Variants in ZZEF1 observed in about 807,000 individuals in gnomAD.
The protein encoded by ZZEF1 is zinc finger ZZ-type and EF-hand domain-containing protein 1.
A neutral mutation model predicts 342.8 loss-of-function variants in ZZEF1; 157 were observed. The observed-to-expected ratio is 0.46, with a 90% confidence interval of 0.40 to 0.52. ZZEF1 has a LOEUF of 0.52. Among genes scored for constraint, ZZEF1 ranks in the 20% least tolerant of loss-of-function variants. The pLI is 0.00. For missense variants in ZZEF1, 3,480 were observed against 3,725.6 expected, an observed-to-expected ratio of 0.93 and a Z score of 1.72; for synonymous variants, 1,505 against 1,429.1, an observed-to-expected ratio of 1.05 and a Z score of -1.20.
intron 16 of ZZEF1, among the ~76,000 whole-genome samples, chr17:4,084,462 C>G (rs1249923229): frequency 6.6e-6 from 1 of 152,076 alleles, no homozygotes; most frequent in Non-Finnish European, 1.5e-5. Context: ...GTAAGAGTGG[C>G]CTATAATTTT....
intron 40 of ZZEF1, chr17:4,033,779 G>A (rs1046031013): frequency 3.5e-6 from 2 of 571,424 alleles, no homozygotes; most frequent in Non-Finnish European, 6.2e-6. Flanking sequence ...CCTCATTAGA[G>A]AGTTGAATCA....
Position 4,016,406 on chromosome 17 carries a change from C to T in ZZEF1, c.8062G>A (p.Ala2688Thr), listed in dbSNP as rs2056102141. Reference protein sequence around the residue: ...EDMLGTMALAACQFMEEPGME... With the variant: ...EDMLGTMALATCQFMEEPGME... ...CCTGGCTCCTCCATGAACTGGCATG[C>T]AGCCAGGGCCATGGTCCCCAGCATG... is the stretch of plus-strand genomic sequence containing the variant. Residue 2688 changes from alanine to threonine, a missense_variant, in exon 49 of 55, where the codon GCA becomes ACA. Ala to Thr is a moderately conservative substitution (Grantham distance 58). Transcript: ENST00000381638. This position sits in a 1 kb window ranked among gnomAD's most constrained non-coding sequence, Gnocchi z 4.4. 4 of 1,613,972 alleles carry T rather than the reference C, an allele frequency of 2.5e-6. No individual in the cohort carries two copies. Among genetic ancestry groups the T allele is most frequent in the South Asian group, 1.1e-5 (1 of 91,082 alleles).
intron 16 of ZZEF1, 84 bp downstream of exon 16, chr17:4,085,586 C>T (rs193082557): frequency 6.5e-6 from 10 of 1,543,602 alleles, no homozygotes; most frequent in Admixed American, 3.6e-5. Context: ...TTGCAACAGA[C>T]GATATATTCA....
chr17:4,017,405 A>T lies in ZZEF1; in HGVS notation c.7967T>A (p.Phe2656Tyr), dbSNP rs911857239. Residue 2656 changes from phenylalanine (F) to tyrosine (Y), a missense_variant, in exon 48 of 55, where the codon TTC (phenylalanine) becomes TAC (tyrosine). Phe to Tyr is a conservative substitution (Grantham distance 22). Transcript: ENST00000381638. The surrounding 1 kb of genome is among the most constrained non-coding windows in gnomAD (Gnocchi z 5.1). ...PAHMTYILDM[F>Y]MQLEEKHEWE... ...CTCATGCTTTTCTTCCAGCTGCATG[A>T]ACATATCCAAAATGTAGGTCATATG... is the stretch of plus-strand genomic sequence containing the variant. 2 of 1,606,826 alleles carry T rather than the reference A, an allele frequency of 1.2e-6. No homozygotes were observed. The highest frequency in any genetic ancestry group is 1.7e-6 in the Non-Finnish European group (2 of 1,174,158).
intron 31 of ZZEF1, among the ~76,000 whole-genome samples, chr17:4,058,890 TC>T (rs1232971346): frequency 6.6e-6 from 1 of 151,790 alleles, no homozygotes; most frequent in Non-Finnish European, 1.5e-5. Flanking sequence ...AACCAAAAAA[TC>T]CCTAATATAC....
Position 4,045,830 on chromosome 17 carries a change from G to GT in ZZEF1, c.6016-1457dup, listed in dbSNP as rs35957444. On this transcript the variant is annotated intron_variant, in intron 37 of 54. Coordinates refer to ENST00000381638, the MANE Select transcript of ZZEF1 (RefSeq NM_015113.4). ...TCCTAGATGCTGTTTTTTTGTTCTT[G>GT]TTTTTTTTTTTTTTTGAGATGGAGT... is the stretch of plus-strand genomic sequence containing the variant. 2.3e-3 allele frequency among the ~76,000 whole-genome samples: 314 copies of GT among 137,236 alleles called. 1 individual carries two copies. Among genetic ancestry groups the GT allele is most frequent in the East Asian group, 5.4e-3 (26 of 4,828 alleles). The allele number at this position is 137,236 out of a possible 152,430, so 90.0% of individuals were successfully genotyped here.
At chr17:4,066,587 G>T (rs544583430) in intron 27 of ZZEF1, 47 bp from the exon 28 acceptor site, 651 of 1,562,874 alleles carry the variant, frequency 4.2e-4, no homozygotes, top group Non-Finnish European at 5.6e-4. Context: ...AGGCAGGGAA[G>T]CAAGGACAGC....
intron 9 of ZZEF1, among the ~76,000 whole-genome samples, chr17:4,100,043 C>T (rs149968095): frequency 1.1e-3 from 175 of 152,306 alleles, no homozygotes; most frequent in South Asian, 3.5e-3. Flanking sequence ...CTGCCAGGAA[C>T]GTTAGCCCCC....
chr17:4,105,882 A>G, intron 6 of ZZEF1, 73 bp from the exon 7 acceptor site: 3 of 1,286,266 alleles, frequency 2.3e-6, no homozygotes, highest in African/African-American at 3.0e-5. Flanking sequence ...AACTGTTAGA[A>G]GCTTGTTTTG....
chr17:4,012,932 A>G (rs972790024), intron 52 of ZZEF1, among the ~76,000 whole-genome samples: 3 of 152,316 alleles, frequency 2.0e-5, no homozygotes, highest in Admixed American at 2.0e-4. Flanking sequence ...CCTCTAAAAT[A>G]TTACTAAGAC....
At chr17:4,129,850 A>C (rs752873573) in intron 1 of ZZEF1, among the ~76,000 whole-genome samples, 2 of 152,196 alleles carry the variant, frequency 1.3e-5, no homozygotes, top group Admixed American at 6.5e-5. Flanking sequence ...GAACAAGATC[A>C]TGTCTTTTGT....
chr17:4,092,085 A>AAT lies in ZZEF1; in HGVS notation c.1914-1256_1914-1255insAT, dbSNP rs565857255. 3.8e-3 allele frequency among the ~76,000 whole-genome samples: 126 copies of AAT among 33,384 alleles called. 1 individual carries two copies. The highest frequency in any genetic ancestry group is 7.4e-3 in the Non-Finnish European group (91 of 12,370). 21.9% of individuals were successfully genotyped at this position (33,384 alleles called of 152,430 possible). ...GAGCGAAACTCCACCTCAAAAAAAA[A>AAT]AAAAATAATAAAAATAATATAAATA... On this transcript the variant is annotated intron_variant, in intron 11 of 54. Transcript: ENST00000381638.
At chr17:4,061,319 C>G (rs1255516796) in intron 30 of ZZEF1, among the ~76,000 whole-genome samples, 2 of 152,306 alleles carry the variant, frequency 1.3e-5, no homozygotes, top group East Asian at 3.9e-4. Flanking sequence ...ATCTACCTGA[C>G]TGGCCACTGC....
chr17:4,006,145 C>T lies in ZZEF1; in HGVS notation c.*745G>A, dbSNP rs76633877. On this transcript the variant is annotated 3_prime_UTR_variant, in exon 55 of 55. Transcript: ENST00000381638. The stretch of plus-strand genomic sequence containing the variant: ...AATGGTCAGTCCCCGGTCATGCCCT[C>T]GAGCCCCTCCAGGGAGACAGTGTGG... 6.4e-3 allele frequency: 985 copies of T among 153,278 alleles called. 9 individuals carry two copies. Among genetic ancestry groups the T allele is most frequent in the Middle Eastern group, 0.02 (6 of 294 alleles). 9.5% of individuals were successfully genotyped at this position (153,278 alleles called of 1,614,324 possible).
At chr17:4,063,162 T>A (rs2057320201) in intron 29 of ZZEF1, among the ~76,000 whole-genome samples, 1 of 152,170 alleles carries the variant, frequency 6.6e-6, no homozygotes, top group Non-Finnish European at 1.5e-5. Context: ...ACTTAACGAA[T>A]TAAAAAGGAA....
chr17:4,032,564 A>G (rs1216148707), intron 41 of ZZEF1, among the ~76,000 whole-genome samples: 3 of 152,234 alleles, frequency 2.0e-5, no homozygotes, highest in Non-Finnish European at 4.4e-5. Context: ...AGTTCTTTGT[A>G]ATCTGATATA....
At chr17:4,032,791 G>A in intron 41 of ZZEF1, 37 bp downstream of exon 41, 2 of 1,606,798 alleles carry the variant, frequency 1.2e-6, no homozygotes, top group South Asian at 1.1e-5. Context: ...AAGACTGGAA[G>A]GGGTGACCAG....
Position 4,112,812 on chromosome 17 carries a change from GA to G in ZZEF1, c.867-5del. ...AACATCTGGCTTCATTTTTAAACTG[GA>G]AAACACAAAAAGCAGAAATTACAAA... is the stretch of plus-strand genomic sequence containing the variant. On this transcript the variant is annotated splice_polypyrimidine_tract_variant and splice_region_variant and intron_variant, in intron 4 of 54. Transcript: ENST00000381638. The G allele has an allele frequency of 6.5e-7, 1 of 1,547,972 alleles. No homozygotes were observed.
chr17:4,044,469 G>T (rs2056868730), intron 37 of ZZEF1, 95 bp from the exon 38 acceptor site: 9 of 1,219,974 alleles, frequency 7.4e-6, no homozygotes, highest in Admixed American at 2.7e-5. Flanking sequence ...AGTCTTCATA[G>T]ACTAAAAAAC....
Sources: allele counts gnomAD v4.1 joint callset (sites outside exome capture counted in the v4.1 genomes callset), GRCh38; gene constraint gnomAD v4.1.1; non-coding constraint Gnocchi (gnomAD v3.1); transcripts MANE v1.5; gene names NCBI Gene and HGNC (gene_info 2026-07-23, HGNC 2026-07-21).